The following DIP2A variants were observed in gnomAD, a reference collection of about 807,000 sequenced individuals.
The protein encoded by DIP2A is disco-interacting protein 2 homolog A.
In DIP2A, 85 loss-of-function variants were observed where a neutral mutation model predicts 177.4. That is an observed-to-expected ratio of 0.48 (90% confidence interval 0.40 to 0.57). The LOEUF (loss-of-function observed/expected upper bound fraction) is 0.57, where lower values mean the gene tolerates loss of function less well. Among genes scored for constraint, DIP2A ranks in the 20% least tolerant of loss-of-function variants. The pLI is 0.00. For synonymous variants in DIP2A, 886 were observed against 881.8 expected (o/e 1.00, Z -0.08); for missense variants, 1,791 against 2,100.2 (o/e 0.85, Z 2.88).
chr21:46,521,617 A>G (rs1038979374), intron 8 of DIP2A, among the ~76,000 whole-genome samples: 1 of 152,262 alleles, frequency 6.6e-6, no homozygotes, highest in Admixed American at 6.5e-5. Flanking sequence ...CTATTCAACC[A>G]TAAGGTAAGA....
chr21:46,564,850 G>C (rs990950714), intron 35 of DIP2A, among the ~76,000 whole-genome samples: 1 of 152,188 alleles, frequency 6.6e-6, no homozygotes, highest in Non-Finnish European at 1.5e-5. Flanking sequence ...TGGCTGGTGT[G>C]AGGGACCCTC....
At chr21:46,508,734 C>G (rs752487483) in intron 6 of DIP2A, among the ~76,000 whole-genome samples, 4 of 151,876 alleles carry the variant, frequency 2.6e-5, no homozygotes, top group Non-Finnish European at 5.9e-5. Flanking sequence ...ATTTAAAAAA[C>G]TGCTTAGGCC....
Position 46,541,819 on chromosome 21 carries a change from T to C in DIP2A, c.2100T>C (p.Tyr700=). 5 of 1,613,994 alleles carry C rather than the reference T, an allele frequency of 3.1e-6. No individual in the cohort carries two copies. The highest frequency in any genetic ancestry group is 1.1e-5 in the South Asian group (1 of 91,086). ...KAVLSMNGLS[Y]GVIRVDTEEK... ...TCCTGTCGATGAACGGTCTAAGTTA[T>C]GGTGTTATCAGAGTGGATACTGAAG... Residue 700 remains tyrosine (Y), a synonymous_variant, in exon 18 of 38, where the codon TAT becomes TAC. Coordinates refer to ENST00000417564, the MANE Select transcript of DIP2A (RefSeq NM_015151.4).
intron 8 of DIP2A, among the ~76,000 whole-genome samples, chr21:46,520,765 G>A (rs554616128): frequency 2.0e-4 from 31 of 152,286 alleles, no homozygotes; most frequent in African/African-American, 7.2e-4. Context: ...AGTTTCACAC[G>A]ATTTTGGAAC....
intron 10 of DIP2A, 68 bp downstream of exon 10, chr21:46,532,305 C>A: frequency 7.7e-7 from 1 of 1,297,730 alleles, no homozygotes; most frequent in Non-Finnish European, 1.1e-6. Context: ...TATCTTACTT[C>A]CTTTTCACTC....
chr21:46,543,569 C>T (rs985735525), intron 18 of DIP2A, among the ~76,000 whole-genome samples: 12 of 22,968 alleles, frequency 5.2e-4, no homozygotes, highest in African/African-American at 3.1e-3. Flanking sequence ...CCAGGTGGAC[C>T]CCTGTTTCCC....
intron 34 of DIP2A, among the ~76,000 whole-genome samples, chr21:46,562,778 G>C (rs1487911844): frequency 6.6e-6 from 1 of 152,204 alleles, no homozygotes; most frequent in Non-Finnish European, 1.5e-5. Flanking sequence ...TAGACCAGCC[G>C]AGAGTGGAGT....
At chr21:46,530,660 A>AAGG (rs1222057802) in intron 9 of DIP2A, among the ~76,000 whole-genome samples, 1 of 152,204 alleles carries the variant, frequency 6.6e-6, no homozygotes, top group Non-Finnish European at 1.5e-5. Flanking sequence ...GAGAAAGAGA[A>AAGG]AGGAGAACAG....
intron 32 of DIP2A, among the ~76,000 whole-genome samples, chr21:46,559,602 C>T (rs910988827): frequency 6.6e-6 from 1 of 152,198 alleles, no homozygotes; most frequent in African/African-American, 2.4e-5. Context: ...TTTGTGTTAG[C>T]GGCTCTGCGT....
chr21:46,498,632 C>T lies in DIP2A; in HGVS notation c.454C>T (p.Leu152Phe), dbSNP rs201814086. 2.3e-4 allele frequency: 372 copies of T among 1,613,246 alleles called. No individual in the cohort carries two copies. The highest frequency in any genetic ancestry group is 3.3e-4 in the Admixed American group (20 of 59,998). Reference sequence around the variant, plus strand: ...GGGCTCTTTACGGCGACCCGGGCGACTCACCTCCACTCCGCTCCAGAGCCA... The same window carrying T: ...GGGCTCTTTACGGCGACCCGGGCGATTCACCTCCACTCCGCTCCAGAGCCA... ...DEGSLRRPGR[L>F]TSTPLQSHSS... is the part of the protein sequence containing the mutation. Residue 152 changes from leucine to phenylalanine, a missense_variant, in exon 5 of 38, where the codon CTC becomes TTC. Transcript: ENST00000417564. This position sits in a 1 kb window ranked among gnomAD's most constrained non-coding sequence, Gnocchi z 4.3.
At position 46,566,652 on chromosome 21, in the gene DIP2A, G is replaced by A; in HGVS notation, c.4432G>A (p.Val1478Ile). The change falls in exon 37 of 38, where the codon GTC becomes ATC. Residue 1478 changes from valine to isoleucine, a missense_variant. Transcript: ENST00000417564. ...CCACCCCATCGACATTGAGACCTCT[G>A]TCATCCGAGCACACAGGAGCATCGC... The part of the protein sequence containing the change: ...RYHPIDIETS[V>I]IRAHRSIAEC... The A allele has an allele frequency of 6.2e-7, 1 of 1,614,226 alleles. No individual in the cohort carries two copies. The highest frequency in any genetic ancestry group is 8.5e-7 in the Non-Finnish European group (1 of 1,180,026).
chr21:46,468,344 G>A (rs1028270404), intron 1 of DIP2A, among the ~76,000 whole-genome samples: 3 of 148,956 alleles, frequency 2.0e-5, no homozygotes, highest in Non-Finnish European at 3.0e-5. Flanking sequence ...AGGGAGAACC[G>A]CTTGAACCTG....
chr21:46,541,722 C>T (rs775520976), intron 17 of DIP2A, 34 bp from the exon 18 acceptor site: 32 of 1,612,922 alleles, frequency 2.0e-5, no homozygotes, highest in South Asian at 6.6e-5. Context: ...TCATCCCCCT[C>T]GTCAGTTAAA....
chr21:46,476,793 T>A (rs910067695), intron 1 of DIP2A, among the ~76,000 whole-genome samples: 3 of 151,914 alleles, frequency 2.0e-5, no homozygotes, highest in African/African-American at 7.3e-5. Context: ...AGTAGCGAGA[T>A]TACAGGTGTG....
chr21:46,554,540 G>A (rs1351355410), intron 26 of DIP2A, 35 bp from the exon 27 acceptor site: 7 of 1,601,132 alleles, frequency 4.4e-6, no homozygotes, highest in Non-Finnish European at 6.0e-6. Context: ...GCCTCTTGCG[G>A]CCGGCCTCCT....
At chr21:46,564,777 C>A (rs533628011) in intron 35 of DIP2A, among the ~76,000 whole-genome samples, 1 of 152,322 alleles carries the variant, frequency 6.6e-6, no homozygotes, top group Admixed American at 6.5e-5. Context: ...TGTGAGCGTG[C>A]GGGCCCTCAG....
the DIP2A span, among the ~76,000 whole-genome samples, chr21:46,582,061 T>C: frequency 6.6e-6 from 1 of 152,136 alleles, no homozygotes; most frequent in Admixed American, 6.5e-5. Flanking sequence ...GTCTACTGAG[T>C]TGTGGAGATC....
intron 1 of DIP2A, among the ~76,000 whole-genome samples, chr21:46,482,568 A>T (rs1047056778): frequency 2.0e-5 from 3 of 152,226 alleles, no homozygotes; most frequent in African/African-American, 7.2e-5. Context: ...TATTTTAAAA[A>T]TGTTAACTGT....
the DIP2A span, among the ~76,000 whole-genome samples, chr21:46,581,737 A>G: frequency 0.11 from 16,636 of 152,044 alleles, 1,331 homozygotes; most frequent in African/African-American, 0.22. Flanking sequence ...TCCAGACCCT[A>G]TTCACCTGGA....
Sources: allele counts gnomAD v4.1 joint callset (sites outside exome capture counted in the v4.1 genomes callset), GRCh38; gene constraint gnomAD v4.1.1; non-coding constraint Gnocchi (gnomAD v3.1); transcripts MANE v1.5; gene names NCBI Gene and HGNC (gene_info 2026-07-23, HGNC 2026-07-21).